Variants in TOP6BL observed in about 807,000 individuals in gnomAD.
The protein encoded by TOP6BL is TOP6B like initiator of meiotic double strand breaks.
At chr11:66,773,276 A>C in the TOP6BL span, among the ~76,000 whole-genome samples, 1 of 148,364 alleles carries the variant, frequency 6.7e-6, no homozygotes, top group Non-Finnish European at 1.5e-5. Flanking sequence ...CTGGTCTGGA[A>C]CTCCTGGGCT....
At chr11:66,749,053 T>C in the TOP6BL span, among the ~76,000 whole-genome samples, 1 of 151,652 alleles carries the variant, frequency 6.6e-6, no homozygotes, top group Non-Finnish European at 1.5e-5. Flanking sequence ...GCTTTTTGTG[T>C]GTGTGTGTGT....
chr11:66,827,821 C>T, the TOP6BL span, among the ~76,000 whole-genome samples: 4 of 151,340 alleles, frequency 2.6e-5, no homozygotes, highest in Non-Finnish European at 4.4e-5. Context: ...AAAAATGAGC[C>T]GGGTGTGGTG....
chr11:66,821,009 T>G, the TOP6BL span, among the ~76,000 whole-genome samples: 1 of 152,190 alleles, frequency 6.6e-6, no homozygotes, highest in African/African-American at 2.4e-5. Flanking sequence ...TCAAAGCACA[T>G]GAACAGCAAT....
chr11:66,768,909 C>CTGAG, the TOP6BL span, among the ~76,000 whole-genome samples: 1 of 152,156 alleles, frequency 6.6e-6, no homozygotes, highest in Non-Finnish European at 1.5e-5. Context: ...CATTCTCTGG[C>CTGAG]TGAGTGGTAC....
the TOP6BL span, among the ~76,000 whole-genome samples, chr11:66,752,946 C>A: frequency 2.0e-5 from 3 of 151,836 alleles, no homozygotes; most frequent in Non-Finnish European, 4.4e-5. Context: ...CTGGGCGACA[C>A]GGTGAAACCC....
chr11:66,828,393 G>C, the TOP6BL span: 4,788 of 1,536,382 alleles, frequency 3.1e-3, 128 homozygotes, highest in African/African-American at 0.057. Context: ...TACTTTGGTG[G>C]GAATCTTCCA....
the TOP6BL span, among the ~76,000 whole-genome samples, chr11:66,754,433 G>A: frequency 6.6e-6 from 1 of 151,706 alleles, no homozygotes; most frequent in Non-Finnish European, 1.5e-5. Context: ...TCTCCACCTC[G>A]TTCTTGTTTC....
the TOP6BL span, among the ~76,000 whole-genome samples, chr11:66,806,346 C>T: frequency 0.011 from 1,653 of 152,134 alleles, 36 homozygotes; most frequent in African/African-American, 0.037. Context: ...TTTGTTTGCT[C>T]GTTTTAGAAT....
chr11:66,821,250 T>C, the TOP6BL span, among the ~76,000 whole-genome samples: 2 of 152,160 alleles, frequency 1.3e-5, no homozygotes, highest in South Asian at 4.1e-4. Context: ...ATCAGTGTAT[T>C]AGTAAACAAG....
the TOP6BL span, chr11:66,748,527 G>C: frequency 2.7e-6 from 4 of 1,508,456 alleles, no homozygotes; most frequent in Non-Finnish European, 3.5e-6. Context: ...AGTAAGTAGA[G>C]AAAGAAAAAA....
At chr11:66,802,085 G>A in the TOP6BL span, among the ~76,000 whole-genome samples, 2 of 152,180 alleles carry the variant, frequency 1.3e-5, no homozygotes, top group Non-Finnish European at 1.5e-5. Context: ...GGTCTCCTGG[G>A]CTCAAGTCAT....
the TOP6BL span, among the ~76,000 whole-genome samples, chr11:66,796,867 T>A: frequency 6.6e-6 from 1 of 151,970 alleles, no homozygotes; most frequent in African/African-American, 2.4e-5. Flanking sequence ...GTTGTTTTTT[T>A]TTTTTTAGAG....
the TOP6BL span, among the ~76,000 whole-genome samples, chr11:66,832,539 T>C: frequency 6.6e-6 from 1 of 152,220 alleles, no homozygotes; most frequent in East Asian, 1.9e-4. Flanking sequence ...TTATGGACTT[T>C]ACCATCCTCC....
the TOP6BL span, among the ~76,000 whole-genome samples, chr11:66,793,460 T>C: frequency 6.7e-6 from 1 of 148,438 alleles, no homozygotes; most frequent in Non-Finnish European, 1.5e-5. Flanking sequence ...TTTTTTTTTT[T>C]TTTTAGACAG....
chr11:66,750,615 T>G, the TOP6BL span, among the ~76,000 whole-genome samples: 7 of 152,050 alleles, frequency 4.6e-5, no homozygotes, highest in South Asian at 1.0e-3. Context: ...CCCATCTTTC[T>G]CCCTCCTAGA....
At chr11:66,835,347 C>T in the TOP6BL span, among the ~76,000 whole-genome samples, 53 of 152,076 alleles carry the variant, frequency 3.5e-4, no homozygotes, top group Non-Finnish European at 6.8e-4. Context: ...TTTTGCCCCT[C>T]CTATGTTCCT....
chr11:66,751,352 G>A, the TOP6BL span, among the ~76,000 whole-genome samples: 6 of 151,970 alleles, frequency 3.9e-5, no homozygotes, highest in South Asian at 2.1e-4. Flanking sequence ...GCACCACCAC[G>A]CCCAGCTAAT....
the TOP6BL span, among the ~76,000 whole-genome samples, chr11:66,826,981 C>CT: frequency 0.39 from 37,267 of 94,918 alleles, 8,164 homozygotes; most frequent in African/African-American, 0.57. Flanking sequence ...CCACACCTGG[C>CT]TTTTTTTTTT....
the TOP6BL span, among the ~76,000 whole-genome samples, chr11:66,783,188 C>T: frequency 2.0e-5 from 3 of 152,040 alleles, no homozygotes; most frequent in African/African-American, 7.2e-5. Flanking sequence ...CAACAATTTC[C>T]CTAAACAGTT....
Sources: gnomAD v4.1 joint callset for allele counts (sites outside exome capture counted in the v4.1 genomes callset) on GRCh38, gnomAD v4.1.1 for gene constraint, MANE v1.5 for transcripts, NCBI Gene and HGNC (gene_info 2026-07-23, HGNC 2026-07-21) for gene names.